QTMAN: variants seen among roughly 807,000 people sequenced by gnomAD.
QTMAN encodes queuosine-tRNA mannosyltransferase.
the QTMAN span, among the ~76,000 whole-genome samples, chr2:144,215,857 C>T: frequency 6.6e-6 from 1 of 152,162 alleles, no homozygotes; most frequent in Non-Finnish European, 1.5e-5. Context: ...CCACACCATT[C>T]TCCTTAAGCT....
the QTMAN span, among the ~76,000 whole-genome samples, chr2:144,203,996 C>G: frequency 6.6e-6 from 1 of 151,938 alleles, no homozygotes; most frequent in African/African-American, 2.4e-5. Flanking sequence ...AAAATTAATT[C>G]AAGATGGATT....
At chr2:144,292,080 T>A in the QTMAN span, among the ~76,000 whole-genome samples, 2 of 152,294 alleles carry the variant, frequency 1.3e-5, no homozygotes, top group East Asian at 3.9e-4. Context: ...CCAAAATGAG[T>A]ACTGTAATAT....
chr2:144,060,848 C>T, the QTMAN span, among the ~76,000 whole-genome samples: 44 of 152,276 alleles, frequency 2.9e-4, no homozygotes, highest in South Asian at 6.2e-4. Flanking sequence ...CATTTCACAG[C>T]CCTCCAAATG....
chr2:144,292,852 C>A, the QTMAN span, among the ~76,000 whole-genome samples: 1 of 152,164 alleles, frequency 6.6e-6, no homozygotes, highest in African/African-American at 2.4e-5. Flanking sequence ...AAAGGATAAA[C>A]CTTGTCACTT....
the QTMAN span, among the ~76,000 whole-genome samples, chr2:144,269,988 T>C: frequency 6.6e-6 from 1 of 152,186 alleles, no homozygotes. Flanking sequence ...TTTTATAGTT[T>C]AGATGGGTTA....
chr2:144,267,158 T>C, the QTMAN span, among the ~76,000 whole-genome samples: 28 of 152,246 alleles, frequency 1.8e-4, no homozygotes, highest in Non-Finnish European at 3.1e-4. Context: ...TGATGTGAAA[T>C]AGAACTCTGA....
the QTMAN span, among the ~76,000 whole-genome samples, chr2:144,076,599 C>G: frequency 6.6e-6 from 1 of 152,146 alleles, no homozygotes; most frequent in African/African-American, 2.4e-5. Flanking sequence ...GGCAAACAGT[C>G]TGCTCACTTA....
chr2:144,094,066 T>C, the QTMAN span, among the ~76,000 whole-genome samples: 2 of 152,358 alleles, frequency 1.3e-5, no homozygotes, highest in East Asian at 3.9e-4. Flanking sequence ...TTGTAATTCA[T>C]ATCTCAATGA....
chr2:143,947,142 C>A, the QTMAN span: 1 of 1,602,538 alleles, frequency 6.2e-7, no homozygotes, highest in Non-Finnish European at 8.5e-7. Flanking sequence ...CACCCTGCAA[C>A]GAGGAGGAGG....
At chr2:144,325,864 G>A in the QTMAN span, among the ~76,000 whole-genome samples, 4 of 152,164 alleles carry the variant, frequency 2.6e-5, no homozygotes, top group African/African-American at 7.2e-5. Context: ...TTTTTAATAC[G>A]GAGTGTTTGC....
At chr2:144,306,408 C>T in the QTMAN span, among the ~76,000 whole-genome samples, 21 of 152,238 alleles carry the variant, frequency 1.4e-4, no homozygotes, top group South Asian at 4.1e-4. Context: ...CTGGGATGAT[C>T]GAAATGCCAG....
At chr2:144,135,857 T>C in the QTMAN span, among the ~76,000 whole-genome samples, 1 of 152,192 alleles carries the variant, frequency 6.6e-6, no homozygotes, top group Non-Finnish European at 1.5e-5. Flanking sequence ...AAAAGTTACT[T>C]ACGTTTTCTA....
At chr2:144,134,303 T>G in the QTMAN span, among the ~76,000 whole-genome samples, 16 of 152,284 alleles carry the variant, frequency 1.1e-4, no homozygotes, top group East Asian at 3.1e-3. Flanking sequence ...ATTCCCTATT[T>G]CTGTTTCTAA....
At chr2:144,252,503 T>C in the QTMAN span, among the ~76,000 whole-genome samples, 30 of 152,304 alleles carry the variant, frequency 2.0e-4, no homozygotes, top group Admixed American at 1.2e-3. Context: ...ATCACGTTAA[T>C]AGGAAATCAC....
At chr2:144,098,651 G>A in the QTMAN span, among the ~76,000 whole-genome samples, 1 of 151,284 alleles carries the variant, frequency 6.6e-6, no homozygotes, top group South Asian at 2.1e-4. Context: ...GGAGGCGGAC[G>A]TTGCAGTGAG....
At chr2:144,111,980 C>T in the QTMAN span, among the ~76,000 whole-genome samples, 1 of 152,242 alleles carries the variant, frequency 6.6e-6, no homozygotes, top group East Asian at 1.9e-4. Context: ...ATACACTTTC[C>T]ATCTTAAAGA....
At chr2:144,308,411 C>T in the QTMAN span, among the ~76,000 whole-genome samples, 2 of 151,986 alleles carry the variant, frequency 1.3e-5, no homozygotes, top group Non-Finnish European at 2.9e-5. Flanking sequence ...GTGATCCACC[C>T]ACCTCAGCCT....
chr2:144,205,348 T>C, the QTMAN span, among the ~76,000 whole-genome samples: 22 of 152,136 alleles, frequency 1.4e-4, no homozygotes, highest in Admixed American at 1.4e-3. Flanking sequence ...GAGTTGGCCT[T>C]CTTCTTTTAT....
At chr2:144,008,268 C>T in the QTMAN span, among the ~76,000 whole-genome samples, 1 of 151,904 alleles carries the variant, frequency 6.6e-6, no homozygotes, top group Admixed American at 6.6e-5. Context: ...GAGACAGACA[C>T]AAGAACAGCC....
Sources: allele counts gnomAD v4.1 joint callset (sites outside exome capture counted in the v4.1 genomes callset), GRCh38; gene constraint gnomAD v4.1.1; transcripts MANE v1.5; gene names NCBI Gene and HGNC (gene_info 2026-07-23, HGNC 2026-07-21).